TTN: variants seen among roughly 807,000 people sequenced by gnomAD.
TTN encodes the protein titin.
Under a neutral mutation model 3,223.0 loss-of-function variants are expected in TTN, and 1,525 were observed. That is an observed-to-expected ratio of 0.47 (90% CI 0.45 to 0.49). The LOEUF (loss-of-function observed/expected upper bound fraction) is 0.49, where lower values mean the gene tolerates loss of function less well. TTN is among the 20% of genes least tolerant of loss of function. The pLI, the probability that TTN is intolerant of heterozygous loss-of-function variation, is 0.00. For missense variants in TTN, 40,786 were observed against 43,424.0 expected, an observed-to-expected ratio of 0.94 and a Z score of 5.40; for synonymous variants, 14,094 against 15,161.0, an observed-to-expected ratio of 0.93 and a Z score of 5.17.
chr2:178,560,685 T>C lies in TTN; in HGVS notation c.85447A>G (p.Ile28483Val). The C allele has an allele frequency of 6.2e-7, 1 of 1,613,720 alleles. No homozygotes were observed. The highest frequency in any genetic ancestry group is 1.1e-5 in the South Asian group (1 of 91,080). ...CGTTTTTCTACGATGTAATAGTCGATATCTGCACCACCATCTTCTTGGGGA... is the reference window on the plus strand; with the variant it reads ...CGTTTTTCTACGATGTAATAGTCGACATCTGCACCACCATCTTCTTGGGGA... ...GRPQEDGGAD[I>V]DYYIVEKRET... Residue 28483 changes from isoleucine to valine, a missense_variant, in exon 326 of 363, where the codon ATC (isoleucine) becomes GTC (valine). By Grantham distance (29) the Ile-to-Val change is conservative. Coordinates refer to ENST00000589042, the MANE Select transcript of TTN (RefSeq NM_001267550.2).
intron 47 of TTN, chr2:178,745,938 T>C: frequency 6.2e-7 from 1 of 1,609,644 alleles, no homozygotes; most frequent in South Asian, 1.1e-5. Context: ...ATTAAACTGC[T>C]TAAAGTCACT....
At position 178,624,458 on chromosome 2, in the gene TTN, T is replaced by C. The variant is rs758417150; in HGVS notation, c.44815+7A>G. 1.6e-5 allele frequency: 26 copies of C among 1,611,642 alleles called. No individual in the cohort carries two copies. Among genetic ancestry groups the C allele is most frequent in the East Asian group, 2.2e-5 (1 of 44,746 alleles). On this transcript the variant is annotated splice_region_variant and intron_variant, in intron 242 of 362. Coordinates refer to ENST00000589042, the MANE Select transcript of TTN (RefSeq NM_001267550.2). ...AATGAAAAGTCCTTTGTAAGAAGAA[T>C]ACTTACGCACGACATTCAGGTTACA...
chr2:178,543,036 C>CTTTTTTT, intron 347 of TTN, 33 bp downstream of exon 347: 1 of 1,392,068 alleles, frequency 7.2e-7, no homozygotes, highest in Non-Finnish European at 9.6e-7. Flanking sequence ...TTTTACTTTA[C>CTTTTTTT]TTTTTTTTTT....
In TTN at chr2:178,797,461, C is replaced by G. The variant is rs544511270; in HGVS notation, c.914+2026G>C. 2.0e-5 allele frequency among the ~76,000 whole-genome samples: 3 copies of G among 150,444 alleles called. No individual in the cohort carries two copies. The South Asian group carries it at 6.3e-4, about 32-fold the overall frequency. On this transcript the variant is annotated intron_variant, in intron 6 of 362. Coordinates refer to ENST00000589042, the MANE Select transcript of TTN (RefSeq NM_001267550.2). ...GTCTTTTTTTGTGTTGCATTTTTTTCCTTTAAAAATTAATTTGTGGATGAT... is the reference window on the plus strand; with the variant it reads ...GTCTTTTTTTGTGTTGCATTTTTTTGCTTTAAAAATTAATTTGTGGATGAT...
Position 178,724,490 on chromosome 2 carries a change from C to T in TTN, c.20885G>A (p.Gly6962Glu), listed in dbSNP as rs531296995. Residue 6962 changes from glycine (G) to glutamate (E), a missense_variant, in exon 72 of 363, where the codon GGA becomes GAA. Physicochemically the swap from Gly to Glu is moderately conservative, Grantham distance 98. Transcript: ENST00000589042. ...CTTACACTCCAGAGTGCACGTTTCT[C>T]CTACAGTCACCGTCATCGGTCCTGC... ...EKAGPMTVTVGETCTLECKVA... is the reference protein window; with the variant it reads ...EKAGPMTVTVEETCTLECKVA... 8 of 1,609,058 alleles carry T rather than the reference C, an allele frequency of 5.0e-6. No individual in the cohort carries two copies. The highest frequency in any genetic ancestry group is 1.7e-4 in the Middle Eastern group (1 of 6,034).
rs753304499 is a variant in TTN, at chr2:178,570,029, C to A, written c.76103G>T (p.Gly25368Val). 1 of 1,613,262 alleles carries A rather than the reference C, an allele frequency of 6.2e-7. No individual in the cohort carries two copies. The highest frequency in any genetic ancestry group is 8.5e-7 in the Non-Finnish European group (1 of 1,179,550). The change falls in exon 326 of 363, where the codon GGA becomes GTA. Residue 25368 changes from glycine to valine, a missense_variant. Transcript: ENST00000589042. ...LIGELRLRVT[G>V]LIENHDYEFR... ...CTCATAATCGTGATTTTCTATGAGT[C>A]CAGTTACTCTCAGGCGCAACTCTCC...
At position 178,572,514 on chromosome 2, in the gene TTN, A is replaced by C. The variant is rs564995755; in HGVS notation, c.73618T>G (p.Trp24540Gly). The C allele has an allele frequency of 6.2e-7, 1 of 1,613,446 alleles. No individual in the cohort carries two copies. The highest frequency in any genetic ancestry group is 1.7e-5 in the Admixed American group (1 of 59,990). Residue 24540 changes from tryptophan to glycine, a missense_variant, in exon 326 of 363, where the codon TGG becomes GGG. Transcript: ENST00000589042. ...CCTCCATCAAGGAGAGGTGGGTCCC[A>C]TGTGAGTGTGACAGATGTCTTAGTG... ...EVTKTSVTLT[W>G]DPPLLDGGSK... is the part of the protein sequence containing the mutation.
Position 178,533,015 on chromosome 2 carries a change from T to C in TTN, c.103600A>G (p.Arg34534Gly). The C allele has an allele frequency of 6.2e-7, 1 of 1,613,956 alleles. No homozygotes were observed. Among genetic ancestry groups the C allele is most frequent in the Non-Finnish European group, 8.5e-7 (1 of 1,179,870 alleles). Residue 34534 changes from arginine (R) to glycine (G), a missense_variant, in exon 358 of 363, where the codon AGA becomes GGA. Transcript: ENST00000589042. The stretch of plus-strand genomic sequence containing the variant: ...ACATCATAAGGCATCCGGAGTTTTC[T>C]CTCCTCCTTCTTTTCTTCTATCTCA... ...RLEIEEKKEERKLRMPYDVPE... is the reference protein window; with the variant it reads ...RLEIEEKKEEGKLRMPYDVPE...
chr2:178,582,015 T>G lies in TTN; in HGVS notation c.66354A>C (p.Thr22118=). 1 of 1,613,392 alleles carries G rather than the reference T, an allele frequency of 6.2e-7. No homozygotes were observed. Among genetic ancestry groups the G allele is most frequent in the African/African-American group, 1.3e-5 (1 of 75,006 alleles). ...KPIIERTLKA[T]GLQEGTEYEF... ...CATATTCGGTACCTTCTTGAAGACC[T>G]GTTGCTTTTAATGTTCTTTCTATAA... The change falls in exon 315 of 363, where the codon ACA becomes ACC. Residue 22118 remains threonine (T), a synonymous_variant. Transcript: ENST00000589042.
intron 240 of TTN, among the ~76,000 whole-genome samples, chr2:178,627,326 G>C (rs2154217569): frequency 6.6e-6 from 1 of 151,982 alleles, no homozygotes; most frequent in South Asian, 2.1e-4. Flanking sequence ...GTTTTTGCTT[G>C]TTTGGTTATT....
Position 178,642,326 on chromosome 2 carries a change from A to G in TTN, c.40478-9T>C. 4 of 1,572,850 alleles carry G rather than the reference A, an allele frequency of 2.5e-6. No individual in the cohort carries two copies. The highest frequency in any genetic ancestry group is 3.5e-6 in the Non-Finnish European group (4 of 1,159,182). On this transcript the variant is annotated splice_polypyrimidine_tract_variant and intron_variant, in intron 218 of 362. Transcript: ENST00000589042. ...CTTTTCACCTCCAGGCACTTAAAAG[A>G]ATATGATTTCAAATTTTGAAGTGAA... is the stretch of plus-strand genomic sequence containing the variant.
In TTN at chr2:178,571,309, A is replaced by G. The variant is rs1708098489; in HGVS notation, c.74823T>C (p.Ile24941=). The change falls in exon 326 of 363, where the codon ATT becomes ATC. Residue 24941 remains isoleucine (I), a synonymous_variant. Transcript: ENST00000589042. ...TTTCCTTGCGTTCTAGATGATAGCC[A>G]ATGACTCTACTTCCTCCATCACTGA... ...EPISDGGSRV[I]GYHLERKERN... 1 of 1,613,446 alleles carries G rather than the reference A, an allele frequency of 6.2e-7. No homozygotes were observed. The highest frequency in any genetic ancestry group is 1.7e-5 in the Admixed American group (1 of 59,988).
intron 1 of TTN, among the ~76,000 whole-genome samples, chr2:178,805,113 C>G (rs760023688): frequency 6.6e-6 from 1 of 151,870 alleles, no homozygotes; most frequent in Non-Finnish European, 1.5e-5. Flanking sequence ...GAGGCCGAGG[C>G]GGGAGGATTA....
chr2:178,771,760 T>C (rs2091520415), intron 33 of TTN, among the ~76,000 whole-genome samples: 1 of 152,218 alleles, frequency 6.6e-6, no homozygotes, highest in Non-Finnish European at 1.5e-5. Context: ...GGATAGTCTC[T>C]AACCCAATTC....
Position 178,537,745 on chromosome 2 carries a change from G to A in TTN, c.99462C>T (p.Arg33154=). The A allele has an allele frequency of 6.2e-7, 1 of 1,613,714 alleles. No individual in the cohort carries two copies. The highest frequency in any genetic ancestry group is 1.1e-5 in the South Asian group (1 of 91,072). The part of the protein sequence containing the change: ...SRKYKMSSDG[R]THTLTVMTEE... ...CTGTCATTACTGTAAGAGTGTGTGTGCGTCCATCTGAAGACATTTTGTATT... is the reference window on the plus strand; with the variant it reads ...CTGTCATTACTGTAAGAGTGTGTGTACGTCCATCTGAAGACATTTTGTATT... Residue 33154 remains arginine, a synonymous_variant, in exon 355 of 363, where the codon CGC becomes CGT. Transcript: ENST00000589042.
chr2:178,562,724 A>G lies in TTN; in HGVS notation c.83408T>C (p.Val27803Ala). 1 of 1,604,274 alleles carries G rather than the reference A, an allele frequency of 6.2e-7. No homozygotes were observed. Among genetic ancestry groups the G allele is most frequent in the Non-Finnish European group, 8.5e-7 (1 of 1,175,586 alleles). The change falls in exon 326 of 363, where the codon GTC becomes GCC. Residue 27803 changes from valine (V) to alanine (A), a missense_variant. Coordinates refer to ENST00000589042, the MANE Select transcript of TTN (RefSeq NM_001267550.2). ...DGGAKITNYI[V>A]EKRETTRKAY... is the part of the protein sequence containing the mutation. ...TTTTCTTGTAGTTTCTCGTTTTTCG[A>G]CAATGTAGTTTGTAATCTTAGCTCC...
chr2:178,603,614 T>A (rs955895635), intron 282 of TTN, among the ~76,000 whole-genome samples: 1 of 152,016 alleles, frequency 6.6e-6, no homozygotes, highest in African/African-American at 2.4e-5. Flanking sequence ...GTCTTTATTA[T>A]TGTGATTCCT....
Position 178,551,226 on chromosome 2 carries a change from G to C in TTN, c.91305C>G (p.Thr30435=), listed in dbSNP as rs368000890. 2 of 1,612,982 alleles carry C rather than the reference G, an allele frequency of 1.2e-6. No individual in the cohort carries two copies. The highest frequency in any genetic ancestry group is 8.5e-7 in the Non-Finnish European group (1 of 1,179,616). Residue 30435 remains threonine, a synonymous_variant, in exon 336 of 363, where the codon ACC becomes ACG. Transcript: ENST00000589042. The part of the protein sequence containing the change: ...PPGTPDYIDV[T]RETITLKWNP... ...TCCATTTAAGTGTGATGGTTTCCCGGGTGACATCAATGTAGTCAGGAGTGC... is the reference window on the plus strand; with the variant it reads ...TCCATTTAAGTGTGATGGTTTCCCGCGTGACATCAATGTAGTCAGGAGTGC...
At position 178,602,145 on chromosome 2, in the gene TTN, G is replaced by T. The variant is rs1341314723; in HGVS notation, c.55126C>A (p.Pro18376Thr). The T allele has an allele frequency of 6.2e-7, 1 of 1,603,990 alleles. No individual in the cohort carries two copies. The highest frequency in any genetic ancestry group is 1.1e-5 in the South Asian group (1 of 89,276). The change falls in exon 284 of 363, where the codon CCA (proline) becomes ACA (threonine). Residue 18376 changes from proline to threonine, a missense_variant. Pro to Thr is a conservative substitution (Grantham distance 38, BLOSUM62 -1). Coordinates refer to ENST00000589042, the MANE Select transcript of TTN (RefSeq NM_001267550.2). ...GCTCCAATGTCAATGAAAACTTCTG[G>T]TTCCTCTGTAATACCACATACAATT... ...EIPATDIQEE[P>T]EVFIDIGAQD...
Sources: gnomAD v4.1 joint callset for allele counts (sites outside exome capture counted in the v4.1 genomes callset) on GRCh38, gnomAD v4.1.1 for gene constraint, MANE v1.5 for transcripts, NCBI Gene and HGNC (gene_info 2026-07-23, HGNC 2026-07-21) for gene names.